Variants in FAM177A1 observed in about 807,000 individuals in gnomAD.
FAM177A1 encodes protein FAM177A1.
Under a neutral mutation model 26.1 loss-of-function variants are expected in FAM177A1, and 22 were observed. The ratio of observed to expected loss-of-function variants is 0.84; its 90% CI spans 0.60 to 1.20. The LOEUF (loss-of-function observed/expected upper bound fraction) is 1.20, where lower values mean the gene tolerates loss of function less well. Ranked by LOEUF, FAM177A1 falls within the 50% of genes most tolerant of loss-of-function variation. The pLI is 0.00. For missense variants in FAM177A1, 296 were observed against 291.1 expected, an observed-to-expected ratio of 1.02 and a Z score of -0.12; for synonymous variants, 95 against 99.3, an observed-to-expected ratio of 0.96 and a Z score of 0.26.
chr14:35,057,968 A>G (rs537799741), intron 2 of FAM177A1, among the ~76,000 whole-genome samples: 1 of 152,132 alleles, frequency 6.6e-6, no homozygotes, highest in Admixed American at 6.6e-5. Context: ...AAAGTGTTCT[A>G]TAGGTGTCTG....
chr14:35,054,988 A>AAAAT (rs1232299671), intron 2 of FAM177A1: 1 of 151,664 alleles, frequency 6.6e-6, no homozygotes, highest in African/African-American at 2.4e-5. Context: ...AAAAAATAAA[A>AAAAT]AAATAAAAAA....
intron 4 of FAM177A1, among the ~76,000 whole-genome samples, chr14:35,079,680 C>T (rs752483977): frequency 3.9e-5 from 6 of 152,066 alleles, no homozygotes; most frequent in African/African-American, 7.2e-5. Flanking sequence ...CATCCATGCT[C>T]GGGGGCTGCT....
chr14:35,065,567 C>T (rs777608001), intron 2 of FAM177A1, among the ~76,000 whole-genome samples: 1 of 151,966 alleles, frequency 6.6e-6, no homozygotes, highest in Non-Finnish European at 1.5e-5. Flanking sequence ...GAATGGTGCT[C>T]AGGCAGAATA....
intron 1 of FAM177A1, 195 bp downstream of exon 1, chr14:35,046,823 C>A: frequency 7.3e-7 from 1 of 1,368,824 alleles, no homozygotes; most frequent in South Asian, 1.7e-5. Context: ...CACTCACCAA[C>A]CCCTTGGCTG....
Position 35,046,539 on chromosome 14 carries a change from C to T in FAM177A1, c.76C>T (p.Gln26Ter). The change falls in exon 1 of 5, where the codon CAG (glutamine) becomes TAG (stop). Residue 26 changes from glutamine to a stop codon, truncating the protein, a stop_gained. Transcript: ENST00000280987. LOFTEE classifies it high-confidence loss of function. ...CCCTGTGGTGGCGACGACGATGGACCAGGAGCCAGTGGGCGGTGTGGAACG... is the reference window on the plus strand; with the variant it reads ...CCCTGTGGTGGCGACGACGATGGACTAGGAGCCAGTGGGCGGTGTGGAACG... ...SSPVVATTMD[Q>*]EPVGGVERGE... The T allele has an allele frequency of 6.2e-7, 1 of 1,601,918 alleles. No homozygotes were observed. The highest frequency in any genetic ancestry group is 1.1e-5 in the South Asian group (1 of 88,914).
At chr14:35,068,490 G>T (rs906593057) in intron 2 of FAM177A1, among the ~76,000 whole-genome samples, 2 of 152,136 alleles carry the variant, frequency 1.3e-5, no homozygotes, top group African/African-American at 4.8e-5. Context: ...GTGAACCACC[G>T]GCAGGAAATT....
intron 2 of FAM177A1, among the ~76,000 whole-genome samples, chr14:35,074,825 T>C (rs1385239749): frequency 6.6e-6 from 1 of 151,850 alleles, no homozygotes; most frequent in Non-Finnish European, 1.5e-5. Context: ...GTGGATCACA[T>C]GGGGCCGGAA....
At chr14:35,071,133 A>T (rs2045314785) in intron 2 of FAM177A1, among the ~76,000 whole-genome samples, 1 of 151,734 alleles carries the variant, frequency 6.6e-6, no homozygotes, top group Admixed American at 6.6e-5. Flanking sequence ...AGTAGCTGGG[A>T]CTACAGGCAC....
intron 2 of FAM177A1, among the ~76,000 whole-genome samples, chr14:35,055,797 G>C (rs1165594670): frequency 6.6e-6 from 1 of 152,106 alleles, no homozygotes; most frequent in Non-Finnish European, 1.5e-5. Flanking sequence ...CCTACCAGCA[G>C]TGTGTAAGGA....
At chr14:35,048,610 C>A (rs1358029064) in intron 1 of FAM177A1, among the ~76,000 whole-genome samples, 2 of 150,672 alleles carry the variant, frequency 1.3e-5, no homozygotes, top group Non-Finnish European at 3.0e-5. Context: ...TCTTGTTAAA[C>A]ACCAATGAGT....
At chr14:35,054,019 G>C (rs778762114) in intron 2 of FAM177A1, among the ~76,000 whole-genome samples, 1 of 151,932 alleles carries the variant, frequency 6.6e-6, no homozygotes, top group Non-Finnish European at 1.5e-5. Flanking sequence ...TTACTAAATT[G>C]AGTGCTTGAA....
chr14:35,053,500 T>A (rs746037832), intron 2 of FAM177A1, 49 bp downstream of exon 2: 4 of 1,586,922 alleles, frequency 2.5e-6, no homozygotes, highest in Non-Finnish European at 3.4e-6. Context: ...TGTTTTGATT[T>A]ATTTTTTTTC....
At chr14:35,079,731 G>A (rs1306660311) in intron 4 of FAM177A1, among the ~76,000 whole-genome samples, 1 of 152,068 alleles carries the variant, frequency 6.6e-6, no homozygotes, top group Non-Finnish European at 1.5e-5. Flanking sequence ...GTTTAGAACA[G>A]CACCTAGTGA....
chr14:35,074,619 C>T (rs1486892741), intron 2 of FAM177A1, among the ~76,000 whole-genome samples: 1 of 152,008 alleles, frequency 6.6e-6, no homozygotes, highest in Non-Finnish European at 1.5e-5. Context: ...AGCCACTGCG[C>T]CCCGCCCCAT....
intron 3 of FAM177A1, among the ~76,000 whole-genome samples, chr14:35,077,778 G>A (rs1025407692): frequency 3.3e-5 from 5 of 152,082 alleles, no homozygotes; most frequent in African/African-American, 1.2e-4. Flanking sequence ...CACCGCGCCC[G>A]GCCTCAAGTT....
chr14:35,061,462 A>ATT (rs35073054), intron 2 of FAM177A1, among the ~76,000 whole-genome samples: 19 of 111,456 alleles, frequency 1.7e-4, no homozygotes, highest in South Asian at 5.7e-4. Context: ...AGCTTTAAGT[A>ATT]TTTTTTTTTT....
chr14:35,076,587 A>G (rs1302349008), intron 2 of FAM177A1, among the ~76,000 whole-genome samples: 2 of 152,096 alleles, frequency 1.3e-5, no homozygotes, highest in Admixed American at 6.6e-5. Context: ...AACTTAAAGT[A>G]TAATAATAAT....
chr14:35,049,048 A>G (rs1433527599), intron 1 of FAM177A1, among the ~76,000 whole-genome samples: 1 of 151,860 alleles, frequency 6.6e-6, no homozygotes, highest in African/African-American at 2.4e-5. Context: ...ACGCAACCAC[A>G]TCTGGCTAAT....
At chr14:35,058,295 A>C (rs2045094269) in intron 2 of FAM177A1, among the ~76,000 whole-genome samples, 2 of 151,900 alleles carry the variant, frequency 1.3e-5, no homozygotes, top group African/African-American at 4.8e-5. Flanking sequence ...CGATCTCTTG[A>C]CCTCATGATC....
Sources: gnomAD v4.1 joint callset for allele counts (sites outside exome capture counted in the v4.1 genomes callset) on GRCh38, gnomAD v4.1.1 for gene constraint, MANE v1.5 for transcripts, NCBI Gene and HGNC (gene_info 2026-07-23, HGNC 2026-07-21) for gene names.